The following COL6A3 variants were observed in gnomAD, a reference collection of about 807,000 sequenced individuals.
COL6A3 encodes collagen type VI alpha 3 chain.
Under a neutral mutation model 274.1 loss-of-function variants are expected in COL6A3, and 137 were observed. The observed-to-expected ratio is 0.50, with a 90% confidence interval of 0.44 to 0.58. The LOEUF is 0.58. COL6A3 is among the 20% of genes least tolerant of loss of function. COL6A3 has a pLI of 0.00. For synonymous variants in COL6A3, 1,650 were observed against 1,650.6 expected (o/e 1.00, Z 0.01); for missense variants, 3,950 against 4,124.9 (o/e 0.96, Z 1.16).
rs768680094 is a variant in COL6A3 at position 237,346,499 on chromosome 2, T to A, written c.7092+4A>T. ...GGCCGGGTCAGAACTGGATAAATAC[T>A]TACAGCTGGTCCTGGGTAGCCAGGG... On this transcript the variant is annotated splice_donor_region_variant and intron_variant, in intron 32 of 43. Transcript: ENST00000295550. The A allele has an allele frequency of 6.2e-7, 1 of 1,613,878 alleles. No individual in the cohort carries two copies.
intron 43 of COL6A3, 66 bp from the exon 44 acceptor site, chr2:237,324,880 AT>A (rs1699855992): frequency 6.5e-7 from 1 of 1,537,434 alleles, no homozygotes; most frequent in East Asian, 2.2e-5. Context: ...GAAAAGCCAC[AT>A]TACTGACCCA....
In COL6A3 at chr2:237,368,935, C is replaced by T. The variant is rs1293450770; in HGVS notation, c.4528G>A (p.Gly1510Arg). The T allele has an allele frequency of 1.2e-6, 2 of 1,614,126 alleles. No homozygotes were observed. Among genetic ancestry groups the T allele is most frequent in the Non-Finnish European group, 1.7e-6 (2 of 1,180,052 alleles). The part of the protein sequence containing the change: ...LDAIRRLRLR[G>R]GSPLNTGKAL... ...TTGCCAGTGTTCAGTGGGGACCCCC[C>T]TCTGAGCCTCAGGCGCCGTATGGCG... is the stretch of plus-strand genomic sequence containing the variant. Residue 1510 changes from glycine to arginine, a missense_variant, in exon 10 of 44, where the codon GGG becomes AGG. This residue lies in a region of COL6A3 where 1,934 missense variants were observed against 1,984.3 expected (regional missense o/e 0.97). Coordinates refer to ENST00000295550, the MANE Select transcript of COL6A3 (RefSeq NM_004369.4). This position sits in a 1 kb window ranked among gnomAD's most constrained non-coding sequence, Gnocchi z 4.4.
chr2:237,387,885 C>A lies in COL6A3; in HGVS notation c.1009G>T (p.Ala337Ser). ...DFVVENHFTR[A>S]GGSRVEEGVP... Reference sequence around the variant, plus strand: ...CCTTCCTCCACGCGGCTGCCCCCTGCCCGGGTGAAGTGGTTCTCCACCACG... The same window carrying A: ...CCTTCCTCCACGCGGCTGCCCCCTGACCGGGTGAAGTGGTTCTCCACCACG... Residue 337 changes from alanine (A) to serine (S), a missense_variant, in exon 4 of 44, where the codon GCA (alanine) becomes TCA (serine). By Grantham distance (99) the Ala-to-Ser change is moderately conservative. Transcript: ENST00000295550. 1 of 1,614,116 alleles carries A rather than the reference C, an allele frequency of 6.2e-7. No homozygotes were observed. The highest frequency in any genetic ancestry group is 8.5e-7 in the Non-Finnish European group (1 of 1,179,974).
At chr2:237,392,957 A>G (rs897488826) in intron 3 of COL6A3, among the ~76,000 whole-genome samples, 2 of 152,008 alleles carry the variant, frequency 1.3e-5, no homozygotes, top group Non-Finnish European at 1.5e-5. Context: ...CAGCGTCTCC[A>G]ACTTGCACAC....
In COL6A3 at chr2:237,367,088, C is replaced by T. The variant is rs1323611295; in HGVS notation, c.5099G>A (p.Arg1700Lys). ...TTTGTTGATGGCGTCAATAATCTGC[C>T]TCTTGGTAGAGAAGTCCTTCAGGAA... ...EFFLKDFSTK[R>K]QIIDAINKVV... Residue 1700 changes from arginine (R) to lysine (K), a missense_variant, in exon 11 of 44, where the codon AGG (arginine) becomes AAG (lysine). By Grantham distance (26) the Arg-to-Lys change is conservative (BLOSUM62 2). This residue lies in a region of COL6A3 where 632 missense variants were observed against 623.4 expected (regional missense o/e 1.01). Transcript: ENST00000295550. 1 of 1,614,234 alleles carries T rather than the reference C, an allele frequency of 6.2e-7. No individual in the cohort carries two copies.
At chr2:237,341,959 G>C (rs34668305) in intron 37 of COL6A3, 106 bp downstream of exon 37, 20 of 947,438 alleles carry the variant, frequency 2.1e-5, no homozygotes, top group Non-Finnish European at 2.8e-5. Flanking sequence ...TGAATCAATT[G>C]AACTCAAGCT....
chr2:237,370,489 G>A lies in COL6A3; in HGVS notation c.4285+1243C>T, dbSNP rs191761631. ...CCTGGCCTCATGATCAGCCCACCTC[G>A]GCCTCCCAAAGTGCTGGGATTACAG... On this transcript the variant is annotated intron_variant, in intron 9 of 43. Transcript: ENST00000295550. Among the ~76,000 whole-genome samples the A allele has an allele frequency of 6.7e-3, 1,017 of 151,426 alleles. 6 individuals carry two copies. The highest frequency in any genetic ancestry group is 0.023 in the African/African-American group (951 of 41,284).
At chr2:237,328,696 T>G (rs1164278824) in intron 42 of COL6A3, 1 of 152,228 alleles carries the variant, frequency 6.6e-6, no homozygotes, top group Admixed American at 6.5e-5. Context: ...TCTTGTCTTT[T>G]TCATAGTTTG....
In COL6A3 at chr2:237,352,504, G is replaced by C. The variant is rs774303580; in HGVS notation, c.6753+18C>G. 6.2e-7 allele frequency: 1 copy of C among 1,607,864 alleles called. No individual in the cohort carries two copies. The highest frequency in any genetic ancestry group is 1.7e-5 in the Admixed American group (1 of 59,494). ...CTCTGTTCAGCTAGAGAGGGGGCTGGTATTAGGACAGGCTTACCCGAGGTC... is the reference window on the plus strand; with the variant it reads ...CTCTGTTCAGCTAGAGAGGGGGCTGCTATTAGGACAGGCTTACCCGAGGTC... On this transcript the variant is annotated intron_variant, in intron 26 of 43. Coordinates refer to ENST00000295550, the MANE Select transcript of COL6A3 (RefSeq NM_004369.4).
chr2:237,365,549 GA>G, intron 12 of COL6A3, 148 bp downstream of exon 12: 1 of 746,178 alleles, frequency 1.3e-6, no homozygotes, highest in Admixed American at 2.0e-5. Context: ...CATGACATTA[GA>G]TCAGTTAATA....
chr2:237,333,462 G>A lies in COL6A3; in HGVS notation c.9316C>T (p.Leu3106Phe), dbSNP rs112455407. The A allele has an allele frequency of 1.9e-6, 3 of 1,613,908 alleles. No individual in the cohort carries two copies. Among genetic ancestry groups the A allele is most frequent in the South Asian group, 2.2e-5 (2 of 91,082 alleles). Residue 3106 changes from leucine to phenylalanine, a missense_variant, in exon 42 of 44, where the codon CTC (leucine) becomes TTC (phenylalanine). Leu to Phe is a conservative substitution (Grantham distance 22). This residue lies in a region of COL6A3 where 1,284 missense variants were observed against 1,349.7 expected (regional missense o/e 0.95). Coordinates refer to ENST00000295550, the MANE Select transcript of COL6A3 (RefSeq NM_004369.4). ...TTTCACAACTCACCTGTTTCAGTGA[G>A]AGCCAATGGTTCTGTGCTCACCATT... ...NLMVSTEPLALTETDICKLPK... is the reference protein window; with the variant it reads ...NLMVSTEPLAFTETDICKLPK...
At chr2:237,401,780 G>A (rs2078596761) in intron 1 of COL6A3, among the ~76,000 whole-genome samples, 1 of 151,816 alleles carries the variant, frequency 6.6e-6, no homozygotes. Context: ...AACCTCCCAG[G>A]CCCAAGCAAT....
Position 237,394,844 on chromosome 2 carries a change from T to C in COL6A3, c.452A>G (p.Asp151Gly). The C allele has an allele frequency of 6.2e-7, 1 of 1,614,000 alleles. No homozygotes were observed. The highest frequency in any genetic ancestry group is 1.1e-5 in the South Asian group (1 of 91,072). Residue 151 changes from aspartate (D) to glycine (G), a missense_variant, in exon 3 of 44, where the codon GAT (aspartate) becomes GGT (glycine). Transcript: ENST00000295550. ...AGCAAGGCCATCCTTCGAGTGTCCA[T>C]CAGTTAACACTACGATAACCTGAGG... ...GVPQVIVVLT[D>G]GHSKDGLALP...
At chr2:237,385,228 C>T (rs1026599889) in intron 4 of COL6A3, among the ~76,000 whole-genome samples, 1 of 152,204 alleles carries the variant, frequency 6.6e-6, no homozygotes, top group Non-Finnish European at 1.5e-5. Context: ...CGAGCAGCCA[C>T]ATCTGTCTCA....
chr2:237,361,532 G>A lies in COL6A3; in HGVS notation c.6156+207C>T, dbSNP rs750284181. 6.6e-6 allele frequency among the ~76,000 whole-genome samples: 1 copy of A among 152,148 alleles called. No individual in the cohort carries two copies. The highest frequency in any genetic ancestry group is 2.4e-5 in the African/African-American group (1 of 41,440). On this transcript the variant is annotated intron_variant, in intron 15 of 43. Transcript: ENST00000295550. The surrounding 1 kb of genome is among the most constrained non-coding windows in gnomAD (Gnocchi z 5.1). The stretch of plus-strand genomic sequence containing the variant: ...TCCCCTTATCCTGTGCAAAAGGAGG[G>A]TCCCGCCTGAACCATCTTCACTGGA...
chr2:237,372,207 C>G lies in COL6A3; in HGVS notation c.3810G>C (p.Arg1270=), dbSNP rs886042792. ...CATCGCTGAACTGGATGACAGCCACCCGGGTGGTGTCAAAGCCCACGTCCA... is the reference window on the plus strand; with the variant it reads ...CATCGCTGAACTGGATGACAGCCACGCGGGTGGTGTCAAAGCCCACGTCCA... ...DYLDVGFDTT[R]VAVIQFSDDP... is the part of the protein sequence containing the mutation. Residue 1270 remains arginine, a synonymous_variant, in exon 9 of 44, where the codon CGG becomes CGC. Transcript: ENST00000295550. 3 of 1,614,024 alleles carry G rather than the reference C, an allele frequency of 1.9e-6. No homozygotes were observed. The highest frequency in any genetic ancestry group is 2.5e-6 in the Non-Finnish European group (3 of 1,180,046).
In COL6A3 at chr2:237,334,690, A is replaced by G. The variant is rs779322100; in HGVS notation, c.9165T>C (p.His3055=). 4.3e-6 allele frequency: 7 copies of G among 1,613,952 alleles called. No individual in the cohort carries two copies. In the Admixed American group the frequency reaches 5.0e-5, roughly 12 times the overall value. Residue 3055 remains histidine (H), a synonymous_variant, in exon 41 of 44, where the codon CAT becomes CAC. Transcript: ENST00000295550. The part of the protein sequence containing the change: ...IGGLLAGQTY[H]VAVVCYLRSQ... ...ACCTCAGGTAGCAGACCACAGCCAC[A>G]TGGTATGTCTGCCCAGCGAGCAGGC... is the stretch of plus-strand genomic sequence containing the variant.
intron 1 of COL6A3, among the ~76,000 whole-genome samples, chr2:237,409,468 G>A (rs1027526948): frequency 2.0e-5 from 3 of 152,220 alleles, no homozygotes; most frequent in South Asian, 4.2e-4. Flanking sequence ...ATGCACAATA[G>A]GTCTTGTTAA....
At position 237,374,441 on chromosome 2, in the gene COL6A3, T is replaced by G; in HGVS notation, c.3650A>C (p.Gln1217Pro). 6.2e-7 allele frequency: 1 copy of G among 1,613,516 alleles called. No individual in the cohort carries two copies. The change falls in exon 8 of 44, where the codon CAG (glutamine) becomes CCG (proline). Residue 1217 changes from glutamine (Q) to proline (P), a missense_variant. Coordinates refer to ENST00000295550, the MANE Select transcript of COL6A3 (RefSeq NM_004369.4). The surrounding 1 kb of genome is among the most constrained non-coding windows in gnomAD (Gnocchi z 4.8). ...GCTCGGTAGAGGCTGCAACACCGGC[T>G]GCAGCCTGCTCAGCTCCTCGCGGGT... Reference protein sequence around the residue: ...QLTREELSRLQPVLQPLPSPG... With the variant: ...QLTREELSRLPPVLQPLPSPG...
Sources: gnomAD v4.1 joint callset for allele counts (sites outside exome capture counted in the v4.1 genomes callset) on GRCh38, gnomAD v4.1.1 for gene constraint, gnomAD v4.1.1 regional missense constraint, Gnocchi (gnomAD v3.1) non-coding constraint, MANE v1.5 for transcripts, NCBI Gene and HGNC (gene_info 2026-07-23, HGNC 2026-07-21) for gene names.